MARCHF1: variants seen among roughly 807,000 people sequenced by gnomAD.
MARCHF1 encodes the protein E3 ubiquitin-protein ligase MARCHF1.
MARCHF1 carries 40 observed loss-of-function variants against 54.2 expected under a neutral mutation model. The ratio of observed to expected loss-of-function variants is 0.74; its 90% CI spans 0.57 to 0.96. MARCHF1 has a LOEUF of 0.96. Ranked by LOEUF, MARCHF1 falls within the 40% of genes least tolerant of loss-of-function variation. MARCHF1 has a pLI of 0.00. For missense variants in MARCHF1, 586 were observed against 656.5 expected (o/e 0.89, Z 1.17); for synonymous variants, 236 against 236.3 (o/e 1.00, Z 0.01).
chr4:164,341,080 A>G (rs1451950374), intron 1 of MARCHF1, among the ~76,000 whole-genome samples: 5 of 152,166 alleles, frequency 3.3e-5, no homozygotes, highest in African/African-American at 4.8e-5. Flanking sequence ...ACATTTGTAC[A>G]TCTCTAAATG....
intron 4 of MARCHF1, among the ~76,000 whole-genome samples, chr4:163,701,282 A>G (rs570747459): frequency 5.3e-5 from 8 of 152,294 alleles, no homozygotes; most frequent in African/African-American, 1.9e-4. Flanking sequence ...GGTATATGCT[A>G]TATACATCCA....
chr4:163,889,167 T>C (rs1002623565), intron 3 of MARCHF1, among the ~76,000 whole-genome samples: 4 of 152,254 alleles, frequency 2.6e-5, no homozygotes, highest in Admixed American at 2.6e-4. Context: ...TTATCACATA[T>C]ATTACATTAA....
chr4:163,686,429 A>C (rs1195541284), intron 5 of MARCHF1, among the ~76,000 whole-genome samples: 2 of 149,740 alleles, frequency 1.3e-5, no homozygotes, highest in Non-Finnish European at 3.0e-5. Flanking sequence ...TGGAGGCACC[A>C]AATTTCTGTT....
chr4:163,902,285 A>T (rs1750960990), intron 3 of MARCHF1, among the ~76,000 whole-genome samples: 1 of 152,206 alleles, frequency 6.6e-6, no homozygotes, highest in African/African-American at 2.4e-5. Flanking sequence ...ATGCTAATTT[A>T]AAAAATCTAA....
At chr4:163,851,616 TG>T (rs751743221) in intron 4 of MARCHF1, among the ~76,000 whole-genome samples, 2 of 152,220 alleles carry the variant, frequency 1.3e-5, no homozygotes, top group Non-Finnish European at 2.9e-5. Context: ...CTGGAGATAA[TG>T]GAACATGACA....
intron 4 of MARCHF1, among the ~76,000 whole-genome samples, chr4:163,795,403 T>C (rs772983471): frequency 2.0e-5 from 3 of 152,108 alleles, no homozygotes; most frequent in East Asian, 1.9e-4. Flanking sequence ...CTAATTTTTG[T>C]ATTTTTAGTA....
At chr4:164,065,920 C>T (rs780862781) in intron 2 of MARCHF1, among the ~76,000 whole-genome samples, 96 of 152,252 alleles carry the variant, frequency 6.3e-4, no homozygotes, top group African/African-American at 1.3e-3. Flanking sequence ...CACCTTCTTC[C>T]GCCTGCTTTG....
chr4:164,085,112 A>G (rs532980816), intron 2 of MARCHF1, among the ~76,000 whole-genome samples: 6 of 151,930 alleles, frequency 3.9e-5, no homozygotes, highest in African/African-American at 1.4e-4. Flanking sequence ...TTTCATTTAC[A>G]TAATCTAAGT....
chr4:164,152,003 A>G (rs1729955731), intron 1 of MARCHF1, among the ~76,000 whole-genome samples: 1 of 152,068 alleles, frequency 6.6e-6, no homozygotes, highest in Admixed American at 6.6e-5. Context: ...CATTTATTCT[A>G]TATATTTAGT....
chr4:163,904,309 G>A (rs1751007726), intron 3 of MARCHF1, among the ~76,000 whole-genome samples: 1 of 152,166 alleles, frequency 6.6e-6, no homozygotes, highest in Non-Finnish European at 1.5e-5. Context: ...AATGCTTGAA[G>A]CTTCCATTAA....
At chr4:163,926,895 A>T (rs1459351163) in intron 3 of MARCHF1, among the ~76,000 whole-genome samples, 1 of 151,368 alleles carries the variant, frequency 6.6e-6, no homozygotes, top group Non-Finnish European at 1.5e-5. Flanking sequence ...TAGCAAAATT[A>T]AAAAAAACAA....
chr4:163,722,773 C>G lies in MARCHF1; in HGVS notation c.112-21910G>C, dbSNP rs191323241. ...CTTCTTGTTGAATTGATCCCTTTAC[C>G]ATTATGTAATGGCCTTGTCTCTTTT... On this transcript the variant is annotated intron_variant, in intron 4 of 9. Coordinates refer to ENST00000514618, the MANE Select transcript of MARCHF1 (RefSeq NM_001394959.1). 3.0e-3 allele frequency among the ~76,000 whole-genome samples: 450 copies of G among 152,202 alleles called. 11 individuals carry two copies. In the East Asian group the frequency reaches 0.069, roughly 23 times the overall value.
At chr4:164,300,697 C>T (rs1734533066) in intron 1 of MARCHF1, among the ~76,000 whole-genome samples, 1 of 152,122 alleles carries the variant, frequency 6.6e-6, no homozygotes, top group Non-Finnish European at 1.5e-5. Flanking sequence ...TGTGCCACTA[C>T]ATCCAGCTAA....
At chr4:164,277,919 T>C (rs1399833446) in intron 1 of MARCHF1, among the ~76,000 whole-genome samples, 2 of 152,114 alleles carry the variant, frequency 1.3e-5, no homozygotes, top group African/African-American at 2.4e-5. Flanking sequence ...AGATTGTATA[T>C]AGAAAATTGG....
At chr4:164,017,719 C>A (rs988749900) in intron 2 of MARCHF1, among the ~76,000 whole-genome samples, 1 of 151,022 alleles carries the variant, frequency 6.6e-6, no homozygotes, top group Non-Finnish European at 1.5e-5. Flanking sequence ...TATGTGAATT[C>A]TTCCTAAATA....
At chr4:163,730,068 T>C (rs73868676) in intron 4 of MARCHF1, among the ~76,000 whole-genome samples, 2,465 of 152,206 alleles carry the variant, frequency 0.016, 69 homozygotes, top group African/African-American at 0.057. Context: ...TTAGTCTCTG[T>C]TTACTTTTCT....
chr4:163,701,177 A>G (rs570732829), intron 4 of MARCHF1, among the ~76,000 whole-genome samples: 1 of 152,206 alleles, frequency 6.6e-6, no homozygotes, highest in Non-Finnish European at 1.5e-5. Flanking sequence ...AAAATTAGAC[A>G]GTAAAACTGT....
intron 7 of MARCHF1, among the ~76,000 whole-genome samples, chr4:163,591,306 T>A (rs1343896150): frequency 6.6e-6 from 1 of 152,054 alleles, no homozygotes; most frequent in Non-Finnish European, 1.5e-5. Flanking sequence ...TAATAATGCC[T>A]CATCTAAATT....
intron 2 of MARCHF1, among the ~76,000 whole-genome samples, chr4:164,083,227 C>A (rs1295881827): frequency 1.3e-5 from 2 of 151,872 alleles, no homozygotes; most frequent in Non-Finnish European, 2.9e-5. Flanking sequence ...ATGGTCTCTG[C>A]GGGGTGGTGA....
Sources: gnomAD v4.1 joint callset for allele counts (sites outside exome capture counted in the v4.1 genomes callset) on GRCh38, gnomAD v4.1.1 for gene constraint, MANE v1.5 for transcripts, NCBI Gene and HGNC (gene_info 2026-07-23, HGNC 2026-07-21) for gene names.